PDE10A: variants seen among roughly 807,000 people sequenced by gnomAD.
PDE10A encodes cAMP and cAMP-inhibited cGMP 3',5'-cyclic phosphodiesterase 10A.
Under a neutral mutation model 97.7 loss-of-function variants are expected in PDE10A, and 39 were observed. That is an observed-to-expected ratio of 0.40 (90% CI 0.31 to 0.52). The LOEUF (loss-of-function observed/expected upper bound fraction) is 0.52. Ranked by LOEUF, PDE10A falls within the 20% of genes least tolerant of loss-of-function variation. The pLI is 0.56. For missense variants in PDE10A, 731 were observed against 1,047.8 expected, an observed-to-expected ratio of 0.70 and a Z score of 4.17; for synonymous variants, 371 against 376.8, an observed-to-expected ratio of 0.98 and a Z score of 0.18.
intron 1 of PDE10A, among the ~76,000 whole-genome samples, chr6:165,635,463 T>C (rs997812014): frequency 1.4e-5 from 2 of 145,544 alleles, no homozygotes; most frequent in African/African-American, 2.4e-5. Flanking sequence ...GCAAGTCAAG[T>C]GGGGTGTGAG....
intron 1 of PDE10A, among the ~76,000 whole-genome samples, chr6:165,579,356 G>A (rs1018370369): frequency 1.3e-5 from 2 of 152,146 alleles, no homozygotes; most frequent in African/African-American, 2.4e-5. Flanking sequence ...AGAAACAGTA[G>A]CAAAATAAAA....
chr6:165,662,085 G>GGCCGCC lies in PDE10A; in HGVS notation c.721_726dup (p.Gly241_Gly242dup), dbSNP rs769945069. 8 of 1,252,532 alleles carry GGCCGCC rather than the reference G, an allele frequency of 6.4e-6. No homozygotes were observed. Among genetic ancestry groups the GGCCGCC allele is most frequent in the Non-Finnish European group, 8.1e-6 (8 of 986,168 alleles). 77.6% of individuals were successfully genotyped at this position (1,252,532 alleles called of 1,614,324 possible). A position where few individuals can be genotyped will look rare whatever the true frequency, so the allele number is the denominator to read the frequency against. ...GCGCCCTGGGGACGCCGCGGAGTTT[G>GGCCGCC]GCCGCCGCCGCCTGGGCCGGCGCCG... On this transcript the variant is annotated inframe_insertion, in exon 1 of 22. Coordinates refer to ENST00000539869, the MANE Select transcript of PDE10A (RefSeq NM_001385079.1).
chr6:165,597,920 C>T (rs1156507676), intron 1 of PDE10A, among the ~76,000 whole-genome samples: 1 of 152,188 alleles, frequency 6.6e-6, no homozygotes, highest in Non-Finnish European at 1.5e-5. Context: ...AACCTGAGGT[C>T]AGCTGTGTGT....
intron 1 of PDE10A, among the ~76,000 whole-genome samples, chr6:165,696,969 T>A (rs1791457841): frequency 6.6e-6 from 1 of 152,008 alleles, no homozygotes; most frequent in African/African-American, 2.4e-5. Flanking sequence ...CAAACCTGAT[T>A]GATAGAGATG....
chr6:165,440,058 A>G (rs1274451425), intron 5 of PDE10A, among the ~76,000 whole-genome samples: 1 of 151,710 alleles, frequency 6.6e-6, no homozygotes, highest in Non-Finnish European at 1.5e-5. Flanking sequence ...TCTTAAGAAG[A>G]AAAAAAAAGT....
intron 1 of PDE10A, among the ~76,000 whole-genome samples, chr6:165,901,858 G>A (rs1319283993): frequency 3.9e-5 from 4 of 103,074 alleles, no homozygotes; most frequent in African/African-American, 1.6e-4. Context: ...TCATTTATTT[G>A]TCCCCATGAC....
intron 1 of PDE10A, among the ~76,000 whole-genome samples, chr6:165,926,242 G>A (rs908575584): frequency 6.6e-6 from 1 of 152,178 alleles, no homozygotes; most frequent in African/African-American, 2.4e-5. Context: ...GGCAGGACCT[G>A]AGATGTTCAC....
intron 1 of PDE10A, among the ~76,000 whole-genome samples, chr6:165,638,325 G>A (rs1347906313): frequency 2.0e-5 from 3 of 152,210 alleles, no homozygotes; most frequent in Admixed American, 1.3e-4. Context: ...AAAACTAAAC[G>A]CAAATAAAAG....
At chr6:165,596,453 G>T (rs972218904) in intron 1 of PDE10A, among the ~76,000 whole-genome samples, 1 of 152,194 alleles carries the variant, frequency 6.6e-6, no homozygotes, top group East Asian at 1.9e-4. Context: ...AATGAACCAG[G>T]TGCAGCAGTT....
chr6:165,406,790 A>T (rs996244102), intron 13 of PDE10A, among the ~76,000 whole-genome samples: 6 of 152,106 alleles, frequency 3.9e-5, no homozygotes, highest in African/African-American at 1.2e-4. Flanking sequence ...CTGGCTGAGG[A>T]CCCAGACAGA....
At chr6:165,448,874 G>A in intron 5 of PDE10A, 54 bp downstream of exon 5, 1 of 1,051,258 alleles carries the variant, frequency 9.5e-7, no homozygotes, top group Non-Finnish European at 1.4e-6. Context: ...TTTTTTAAAG[G>A]AGCTTATGAT....
chr6:165,590,089 C>T (rs1451178085), intron 1 of PDE10A, among the ~76,000 whole-genome samples: 1 of 152,136 alleles, frequency 6.6e-6, no homozygotes, highest in Non-Finnish European at 1.5e-5. Context: ...CAGTTGTACA[C>T]ATCTGAGGTT....
rs562015692 is a variant in PDE10A, at chr6:165,330,920, A to G, written c.*2105T>C. The G allele has an allele frequency of 3.6e-4, 55 of 152,330 alleles. No individual in the cohort carries two copies. Among genetic ancestry groups the G allele is most frequent in the African/African-American group, 1.2e-3 (51 of 41,588 alleles). The allele number at this position is 152,330 out of a possible 1,614,324, so 9.4% of individuals were successfully genotyped here. A position where few individuals can be genotyped will look rare whatever the true frequency, so the allele number is the denominator to read the frequency against. The stretch of plus-strand genomic sequence containing the variant: ...GCTTCATAAATTTGTATGCAGAAAA[A>G]TATGTATCTTGTTCAAATTCAATTA... On this transcript the variant is annotated 3_prime_UTR_variant, in exon 22 of 22. Transcript: ENST00000539869.
At chr6:165,585,577 C>G (rs910393541) in intron 1 of PDE10A, among the ~76,000 whole-genome samples, 2 of 152,074 alleles carry the variant, frequency 1.3e-5, no homozygotes, top group Non-Finnish European at 2.9e-5. Flanking sequence ...GATGCTGCCA[C>G]AAGCCAAGGA....
intron 1 of PDE10A, among the ~76,000 whole-genome samples, chr6:165,590,111 T>C (rs1437523593): frequency 6.6e-6 from 1 of 152,226 alleles, no homozygotes; most frequent in African/African-American, 2.4e-5. Context: ...AGGAAAGTTA[T>C]TGGCAAAAAC....
rs57547290 is a variant in PDE10A at position 165,686,130 on chromosome 6, GACACACACACAC to G, written c.-614-142574_-614-142563del. On this transcript the variant is annotated intron_variant, in intron 1 of 19. Transcript: ENST00000366882. ...TTCTTCCCAATCTTAAATGTGCATG[GACACACACACAC>G]ACACACACACACACACACACACACA... Among the ~76,000 whole-genome samples the G allele has an allele frequency of 5.6e-3, 809 of 145,304 alleles. 4 individuals are homozygous for G. The highest frequency in any genetic ancestry group is 8.1e-3 in the Non-Finnish European group (541 of 66,456).
intron 2 of PDE10A, among the ~76,000 whole-genome samples, chr6:165,540,831 G>T (rs922915082): frequency 2.0e-5 from 3 of 152,022 alleles, no homozygotes; most frequent in African/African-American, 7.2e-5. Flanking sequence ...GGTTTCACCA[G>T]GTTAGCCAGG....
At chr6:165,466,828 A>G (rs946077919) in intron 3 of PDE10A, among the ~76,000 whole-genome samples, 2 of 152,190 alleles carry the variant, frequency 1.3e-5, no homozygotes, top group Non-Finnish European at 2.9e-5. Flanking sequence ...CATGTGTTTC[A>G]CTTTAAATCA....
At position 165,804,113 on chromosome 6, in the gene PDE10A, T is replaced by C. The variant is rs148817371; in HGVS notation, c.-615+183416A>G. Among the ~76,000 whole-genome samples, 1,239 of 152,316 alleles carry C rather than the reference T, an allele frequency of 8.1e-3. 14 individuals carry two copies. The highest frequency in any genetic ancestry group is 0.029 in the African/African-American group (1,196 of 41,554). On this transcript the variant is annotated intron_variant, in intron 1 of 19. Coordinates refer to the PDE10A transcript ENST00000366882. ...AAGGAACCCGTCCTTAACCAAGATC[T>C]AGTCAATTTAATTTCACTTTATAAG... is the stretch of plus-strand genomic sequence containing the variant.
Sources: gnomAD v4.1 joint callset for allele counts (sites outside exome capture counted in the v4.1 genomes callset) on GRCh38, gnomAD v4.1.1 for gene constraint, MANE v1.5 for transcripts, NCBI Gene and HGNC (gene_info 2026-07-23, HGNC 2026-07-21) for gene names.